ZNF185: variants seen among roughly 807,000 people sequenced by gnomAD.
The protein encoded by ZNF185 is zinc finger protein 185 with LIM domain, also known as zinc finger protein 185.
Under a neutral mutation model 58.6 loss-of-function variants are expected in ZNF185, and 56 were observed. The observed-to-expected ratio is 0.95, with a 90% CI of 0.77 to 1.19. ZNF185 has a LOEUF of 1.19. Among genes scored for constraint, ZNF185 ranks in the 50% most tolerant of loss-of-function variants. The probability of loss-of-function intolerance (pLI) is 0.00; values close to 1 mark genes in which losing one functional copy is unlikely to be tolerated. For missense variants in ZNF185, 627 were observed against 573.5 expected (o/e 1.09, Z -0.95); for synonymous variants, 230 against 215.9 (o/e 1.07, Z -0.57).
Position 152,963,828 on chromosome X carries a change from ATTTC to A in ZNF185, c.1608-6_1608-3del. The A allele has an allele frequency of 8.3e-7, 1 of 1,204,307 alleles. No individual in the cohort carries two copies. Among genetic ancestry groups the A allele is most frequent in the East Asian group, 3.0e-5 (1 of 33,514 alleles). On this transcript the variant is annotated splice_region_variant and splice_polypyrimidine_tract_variant and intron_variant, in intron 17 of 22. Transcript: ENST00000449285. ...GGTTGACGTGCCCACCCCTCCCTTT[ATTTC>A]TTTCAGGGTGAGGAGCCCCTCGAGC...
At chrX:152,936,865 C>G (rs2046351287) in intron 14 of ZNF185, among the ~76,000 whole-genome samples, 1 of 110,225 alleles carries the variant, frequency 9.1e-6, no homozygotes, top group Non-Finnish European at 1.9e-5. Flanking sequence ...GTTTAGCAAG[C>G]AGGAGTCAGG....
Position 152,930,235 on chromosome X carries a change from T to C in ZNF185, c.918-1437T>C, listed in dbSNP as rs150707204. On this transcript the variant is annotated intron_variant, in intron 12 of 22. Transcript: ENST00000449285. The stretch of plus-strand genomic sequence containing the variant: ...GGAGCAGGGGGACAGAGAGGGGTGA[T>C]GGAAAGACTTGGCATTTGCTGAGTG... 5.3e-3 allele frequency among the ~76,000 whole-genome samples: 598 copies of C among 111,949 alleles called. 4 individuals are homozygous for C. The highest frequency in any genetic ancestry group is 9.4e-3 in the Non-Finnish European group (502 of 53,178).
chrX:152,961,746 T>C (rs1556910457), intron 17 of ZNF185, among the ~76,000 whole-genome samples: 1 of 112,715 alleles, frequency 8.9e-6, no homozygotes, highest in African/African-American at 3.2e-5. Flanking sequence ...GTGCAGGCAC[T>C]GTTCTGCATG....
intron 20 of ZNF185, among the ~76,000 whole-genome samples, chrX:152,968,940 G>A (rs2050399397): frequency 9.0e-6 from 1 of 111,596 alleles, no homozygotes. Context: ...ATAGGCAGGG[G>A]CAGAGCTCAG....
intron 12 of ZNF185, 43 bp downstream of exon 13, chrX:152,928,704 C>T: frequency 8.6e-7 from 1 of 1,167,800 alleles, no homozygotes; most frequent in Non-Finnish European, 1.2e-6. Flanking sequence ...GGACACCATT[C>T]TAGAGATGGA....
intron 13 of ZNF185, 59 bp from the exon 15 acceptor site, chrX:152,932,814 T>C: frequency 2.3e-6 from 2 of 865,048 alleles, no homozygotes; most frequent in Non-Finnish European, 3.3e-6. Flanking sequence ...TCATGGCATC[T>C]GGGTTAGATG....
Position 152,959,835 on chromosome X carries a change from G to T in ZNF185, c.1546G>T (p.Glu516Ter). ...GCAACCTGCAGATCCCAGTACCCCA[G>T]AACAGCAGAACAGCCCCAGCGGATC... is the stretch of plus-strand genomic sequence containing the variant. Residue 516 changes from glutamate to a stop codon, truncating the protein, a stop_gained, in exon 17 of 23, where the codon GAA (glutamate) becomes TAA (stop). Transcript: ENST00000449285. LOFTEE classifies it high-confidence loss of function. 8.3e-7 allele frequency: 1 copy of T among 1,211,564 alleles called. No homozygotes were observed. Among genetic ancestry groups the T allele is most frequent in the Non-Finnish European group, 1.1e-6 (1 of 895,385 alleles).
intron 3 of ZNF185, 127 bp from the exon 5 acceptor site, chrX:152,917,004 C>G: frequency 2.1e-6 from 2 of 949,666 alleles, no homozygotes; most frequent in Non-Finnish European, 3.0e-6. Flanking sequence ...CTCGTTTCTG[C>G]TGTACTGGGA....
At chrX:152,918,382 G>A (rs1161276968) in intron 6 of ZNF185, among the ~76,000 whole-genome samples, 1 of 112,861 alleles carries the variant, frequency 8.9e-6, no homozygotes, top group East Asian at 2.8e-4. Context: ...GAGGCAGAGC[G>A]GAGACCGCAG....
chrX:152,965,453 G>A, exon 19 of ZNF185: 1 of 1,180,132 alleles, frequency 8.5e-7, no homozygotes, highest in South Asian at 1.9e-5. Flanking sequence ...ACAGCAAAGG[G>A]ATTCTCTTCG....
the ZNF185 span, among the ~76,000 whole-genome samples, chrX:152,899,253 C>G: frequency 7.1e-5 from 8 of 112,734 alleles, no homozygotes; most frequent in East Asian, 2.2e-3. Context: ...TTCTGGCTGT[C>G]GTACCTGGCT....
At chrX:152,910,259 C>T (rs369603981), upstream of ZNF185, among the ~76,000 whole-genome samples, 18 of 111,993 alleles carry the variant, frequency 1.6e-4, no homozygotes, top group East Asian at 3.6e-3. Flanking sequence ...ATACTCCACT[C>T]GCACTTCATT....
intron 15 of ZNF185, among the ~76,000 whole-genome samples, chrX:152,940,680 T>G (rs1274107756): frequency 8.9e-6 from 1 of 112,113 alleles, no homozygotes; most frequent in Non-Finnish European, 1.9e-5. Flanking sequence ...TCAGAAAAAG[T>G]CCTGGAAAGG....
At chrX:152,969,429 G>A (rs782189090) in exon 21 of ZNF185, 2 of 1,207,498 alleles carry the variant, frequency 1.7e-6, no homozygotes, top group Non-Finnish European at 2.2e-6. Context: ...ATCCGAGACT[G>A]TCCAAAGATT....
At chrX:152,961,701 G>A (rs1037942497) in intron 17 of ZNF185, among the ~76,000 whole-genome samples, 17 of 112,568 alleles carry the variant, frequency 1.5e-4, no homozygotes, top group Non-Finnish European at 2.4e-4. Context: ...AAGCATGATC[G>A]TAATAACCAT....
At chrX:152,966,732 T>C (rs1430874676) in intron 19 of ZNF185, among the ~76,000 whole-genome samples, 7 of 111,832 alleles carry the variant, frequency 6.3e-5, no homozygotes, top group African/African-American at 2.3e-4. Flanking sequence ...GGAACACCTT[T>C]GTCTCCCCAA....
exon 1 of ZNF185, chrX:152,914,473 G>A: frequency 8.5e-7 from 1 of 1,177,935 alleles, no homozygotes; most frequent in Admixed American, 2.3e-5. Context: ...TGAGAGGAGA[G>A]CTGCGGAGCA....
chrX:152,942,388 C>A (rs2047324181), intron 15 of ZNF185, among the ~76,000 whole-genome samples: 1 of 111,819 alleles, frequency 8.9e-6, no homozygotes, highest in East Asian at 2.8e-4. Context: ...TGTTACTCAT[C>A]TTCTCTGTGC....
At chrX:152,956,705 C>G (rs921270717) in intron 16 of ZNF185, among the ~76,000 whole-genome samples, 81 of 112,511 alleles carry the variant, frequency 7.2e-4, no homozygotes, top group African/African-American at 2.5e-3. Flanking sequence ...TGCCATTGCA[C>G]TCCAGCCTGG....
Sources: allele counts gnomAD v4.1 joint callset (sites outside exome capture counted in the v4.1 genomes callset), GRCh38; gene constraint gnomAD v4.1.1; transcripts MANE v1.5; gene names NCBI Gene and HGNC (gene_info 2026-07-23, HGNC 2026-07-21).